The following TMEM38B variants were observed in gnomAD, a reference collection of about 807,000 sequenced individuals.
TMEM38B encodes the protein trimeric intracellular cation channel type B.
TMEM38B carries 24 observed loss-of-function variants against 28.7 expected under a neutral mutation model. That is an observed-to-expected ratio of 0.84 (90% CI 0.61 to 1.18). The LOEUF is 1.18. Among genes scored for constraint, TMEM38B ranks in the 50% most tolerant of loss-of-function variants. TMEM38B has a pLI of 0.00. For missense variants in TMEM38B, 380 were observed against 350.9 expected (o/e 1.08, Z -0.66); for synonymous variants, 131 against 127.7 (o/e 1.03, Z -0.17).
In TMEM38B at chr9:105,776,459, T is replaced by C. The variant is rs1373797717; in HGVS notation, c.*2379T>C. The C allele has an allele frequency of 1.3e-5, 2 of 152,088 alleles. No individual in the cohort carries two copies. The highest frequency in any genetic ancestry group is 2.9e-5 in the Non-Finnish European group (2 of 68,004). The allele number at this position is 152,088 out of a possible 1,614,324, so 9.4% of individuals were successfully genotyped here. On this transcript the variant is annotated 3_prime_UTR_variant, in exon 6 of 6. Coordinates refer to ENST00000374692, the MANE Select transcript of TMEM38B (RefSeq NM_018112.3). Reference sequence around the variant, plus strand: ...GGGAGACTCTGATTAGTGTATTTTTTTTTTGTCTATTCCTTAAAGCCCAGA... The same window carrying C: ...GGGAGACTCTGATTAGTGTATTTTTCTTTTGTCTATTCCTTAAAGCCCAGA...
At chr9:105,729,077 T>C (rs537122433) in intron 4 of TMEM38B, among the ~76,000 whole-genome samples, 1 of 152,238 alleles carries the variant, frequency 6.6e-6, no homozygotes, top group Non-Finnish European at 1.5e-5. Context: ...AGAAGCTCTT[T>C]AGTTTAATTA....
In TMEM38B at chr9:105,711,897, G is replaced by A. The variant is rs889154498; in HGVS notation, c.269+6144G>A. ...CTTACCTTAGAAGTCCTTTTTGTGT[G>A]TCCCATTCCAATCCTAACCCCCTTC... is the stretch of plus-strand genomic sequence containing the variant. On this transcript the variant is annotated intron_variant, in intron 2 of 5. Coordinates refer to ENST00000374692, the MANE Select transcript of TMEM38B (RefSeq NM_018112.3). Among the ~76,000 whole-genome samples the A allele has an allele frequency of 5.3e-5, 8 of 151,618 alleles. No individual in the cohort carries two copies. The East Asian group carries it at 1.4e-3, about 26-fold the overall frequency.
At chr9:105,706,316 A>G (rs1353695560) in intron 2 of TMEM38B, among the ~76,000 whole-genome samples, 2 of 152,220 alleles carry the variant, frequency 1.3e-5, no homozygotes, top group African/African-American at 4.8e-5. Context: ...TTGTTGAGAC[A>G]TAGTCTTGCT....
chr9:105,746,188 C>T (rs1198383582), intron 4 of TMEM38B, among the ~76,000 whole-genome samples: 5 of 152,010 alleles, frequency 3.3e-5, no homozygotes, highest in East Asian at 3.9e-4. Context: ...GCCATTTTCA[C>T]GATATTGATT....
intron 4 of TMEM38B, among the ~76,000 whole-genome samples, chr9:105,727,892 T>A (rs1397412513): frequency 6.6e-6 from 1 of 152,152 alleles, no homozygotes; most frequent in East Asian, 1.9e-4. Context: ...AAAGTCTGGT[T>A]CCTTTCCCTC....
intron 4 of TMEM38B, among the ~76,000 whole-genome samples, chr9:105,743,574 C>T (rs999673067): frequency 6.6e-6 from 1 of 152,098 alleles, no homozygotes; most frequent in African/African-American, 2.4e-5. Context: ...AAATTAGCAT[C>T]TTATTTTAGA....
At chr9:105,764,652 A>G (rs1227025075) in intron 5 of TMEM38B, among the ~76,000 whole-genome samples, 2 of 151,648 alleles carry the variant, frequency 1.3e-5, no homozygotes, top group African/African-American at 4.9e-5. Context: ...AAATGGCCAT[A>G]CTGCCCAAGG....
At chr9:105,705,246 T>A (rs1224823519) in intron 1 of TMEM38B, among the ~76,000 whole-genome samples, 1 of 152,232 alleles carries the variant, frequency 6.6e-6, no homozygotes, top group Non-Finnish European at 1.5e-5. Context: ...TAAATCACTT[T>A]GACATATTGT....
intron 4 of TMEM38B, among the ~76,000 whole-genome samples, chr9:105,733,041 G>GT (rs934527908): frequency 7.2e-5 from 11 of 152,248 alleles, no homozygotes; most frequent in African/African-American, 2.6e-4. Context: ...TAGTTGTGCG[G>GT]TTTTGAGTGA....
chr9:105,762,552 C>A (rs13300616), intron 5 of TMEM38B, among the ~76,000 whole-genome samples: 14,833 of 145,712 alleles, frequency 0.1, 1,144 homozygotes, highest in East Asian at 0.45. Context: ...ATGATGATTT[C>A]CAATTTCATC....
At chr9:105,747,032 A>G (rs1372973616) in intron 4 of TMEM38B, among the ~76,000 whole-genome samples, 1 of 152,110 alleles carries the variant, frequency 6.6e-6, no homozygotes, top group Admixed American at 6.6e-5. Context: ...TTGGTCTAAA[A>G]TTCTCTTTTT....
intron 5 of TMEM38B, among the ~76,000 whole-genome samples, chr9:105,761,138 A>G (rs1220617777): frequency 6.6e-6 from 1 of 152,172 alleles, no homozygotes; most frequent in Non-Finnish European, 1.5e-5. Flanking sequence ...TAGCTAATGA[A>G]TTAGTTGTTT....
chr9:105,698,924 G>C (rs1173387538), intron 1 of TMEM38B, among the ~76,000 whole-genome samples: 3 of 151,966 alleles, frequency 2.0e-5, no homozygotes, highest in Non-Finnish European at 4.4e-5. Flanking sequence ...TCTCTCTCAG[G>C]AATCATCTAT....
chr9:105,731,664 C>G (rs543564997), intron 4 of TMEM38B, among the ~76,000 whole-genome samples: 6 of 152,222 alleles, frequency 3.9e-5, no homozygotes, highest in Admixed American at 3.3e-4. Flanking sequence ...GCATAGTATT[C>G]CATGGTGTAT....
intron 4 of TMEM38B, among the ~76,000 whole-genome samples, chr9:105,725,190 G>A (rs146038666): frequency 1.2e-3 from 179 of 151,610 alleles, no homozygotes; most frequent in African/African-American, 4.0e-3. Flanking sequence ...GCAACACCTC[G>A]TTCTATTTTA....
rs941061710 is a variant in TMEM38B, at chr9:105,723,921, C to T, written c.542+1300C>T. On this transcript the variant is annotated intron_variant, in intron 4 of 5. Coordinates refer to ENST00000374692, the MANE Select transcript of TMEM38B (RefSeq NM_018112.3). ...GTGGTCTCGGGCTCACTGCAACCTC[C>T]GCCTCCCAGGTTCAAGCAGTTCTCC... Among the ~76,000 whole-genome samples, 6 of 151,650 alleles carry T rather than the reference C, an allele frequency of 4.0e-5. No individual in the cohort carries two copies. In the South Asian group the frequency reaches 8.4e-4, roughly 21 times the overall value.
intron 5 of TMEM38B, chr9:105,749,030 C>T (rs1250177583): frequency 1.6e-6 from 2 of 1,278,822 alleles, no homozygotes; most frequent in East Asian, 1.1e-4. Flanking sequence ...AAATATGTGT[C>T]TTAGAATGAA....
At chr9:105,711,638 G>A (rs965941581) in intron 2 of TMEM38B, among the ~76,000 whole-genome samples, 1 of 151,728 alleles carries the variant, frequency 6.6e-6, no homozygotes, top group Non-Finnish European at 1.5e-5. Context: ...CCAGGAGTTC[G>A]AACAACTGGT....
intron 4 of TMEM38B, among the ~76,000 whole-genome samples, chr9:105,737,503 A>C (rs1837029778): frequency 6.6e-6 from 1 of 152,188 alleles, no homozygotes; most frequent in Non-Finnish European, 1.5e-5. Flanking sequence ...ATGGTGGAGC[A>C]CAGCTGTGTC....
Sources: allele counts gnomAD v4.1 joint callset (sites outside exome capture counted in the v4.1 genomes callset), GRCh38; gene constraint gnomAD v4.1.1; transcripts MANE v1.5; gene names NCBI Gene and HGNC (gene_info 2026-07-23, HGNC 2026-07-21).